POMGNT2: variants seen among roughly 807,000 people sequenced by gnomAD.
POMGNT2 encodes the protein protein O-linked mannose N-acetylglucosaminyltransferase 2 (beta 1,4-).
Under a neutral mutation model 37.8 loss-of-function variants are expected in POMGNT2, and 32 were observed. The observed-to-expected ratio is 0.85, with a 90% CI of 0.64 to 1.14. POMGNT2 has a LOEUF of 1.14. POMGNT2 is among the 50% of genes most tolerant of loss of function. POMGNT2 has a pLI of 0.00. For synonymous variants in POMGNT2, 340 were observed against 336.8 expected (o/e 1.01, Z -0.10); for missense variants, 705 against 780.6 (o/e 0.90, Z 1.15).
chr3:43,102,225 CG>C (rs2090024489), intron 1 of POMGNT2, among the ~76,000 whole-genome samples: 1 of 152,174 alleles, frequency 6.6e-6, no homozygotes, highest in Non-Finnish European at 1.5e-5. Flanking sequence ...CAAAGGACCC[CG>C]GGGTGTGTTT....
At chr3:43,090,731 G>A (rs2089936864) in intron 1 of POMGNT2, 1 of 152,196 alleles carries the variant, frequency 6.6e-6, no homozygotes, top group Admixed American at 6.5e-5. Flanking sequence ...ACAGCAAGGA[G>A]AGACTGTCTT....
chr3:43,085,704 T>C (rs1318933543), intron 1 of POMGNT2, among the ~76,000 whole-genome samples: 2 of 151,844 alleles, frequency 1.3e-5, no homozygotes, highest in Non-Finnish European at 2.9e-5. Flanking sequence ...TTACTAAAAC[T>C]GAGGGGTGGA....
intron 1 of POMGNT2, among the ~76,000 whole-genome samples, chr3:43,091,345 T>C (rs1481663930): frequency 1.3e-5 from 2 of 152,208 alleles, no homozygotes; most frequent in Non-Finnish European, 2.9e-5. Flanking sequence ...AAATCTTGGA[T>C]AATTTTAGTA....
At chr3:43,082,631 C>T (rs904174374) in intron 1 of POMGNT2, among the ~76,000 whole-genome samples, 1 of 152,172 alleles carries the variant, frequency 6.6e-6, no homozygotes, top group Non-Finnish European at 1.5e-5. Flanking sequence ...AGAAGCTCAT[C>T]CTTTGTGACA....
At chr3:43,082,391 G>A (rs991263204) in intron 1 of POMGNT2, among the ~76,000 whole-genome samples, 7 of 152,182 alleles carry the variant, frequency 4.6e-5, no homozygotes, top group African/African-American at 1.7e-4. Flanking sequence ...CCCTTAGGAG[G>A]AGGGTAGAAA....
intron 1 of POMGNT2, among the ~76,000 whole-genome samples, chr3:43,086,233 G>A (rs1353436393): frequency 2.0e-5 from 3 of 152,142 alleles, no homozygotes; most frequent in Non-Finnish European, 4.4e-5. Flanking sequence ...TTAAAAGCTT[G>A]GAAATGTTTT....
At position 43,079,966 on chromosome 3, in the gene POMGNT2, C is replaced by T. The variant is rs140400295; in HGVS notation, c.1466G>A (p.Arg489Gln). The change falls in exon 2 of 2, where the codon CGG becomes CAG. Residue 489 changes from arginine to glutamine, a missense_variant. Physicochemically the swap from Arg to Gln is conservative, Grantham distance 43 (BLOSUM62 1). Coordinates refer to ENST00000344697, the MANE Select transcript of POMGNT2 (RefSeq NM_032806.6). ...GLYPGKVREA[R>Q]CQASVHGASE... ...GGCGCCATGCACTGACGCCTGGCAC[C>T]GTGCCTCCCGCACCTTGCCTGGATA... 81 of 1,613,974 alleles carry T rather than the reference C, an allele frequency of 5.0e-5. No individual in the cohort carries two copies. Among genetic ancestry groups the T allele is most frequent in the African/African-American group, 2.8e-4 (21 of 75,068 alleles).
At chr3:43,101,021 T>G (rs2090014952) in intron 1 of POMGNT2, among the ~76,000 whole-genome samples, 1 of 152,196 alleles carries the variant, frequency 6.6e-6, no homozygotes, top group Non-Finnish European at 1.5e-5. Context: ...GCCACTTTAC[T>G]GGAGAAAAGA....
In POMGNT2 at chr3:43,079,900, T is replaced by A. The variant is rs2089830997; in HGVS notation, c.1532A>T (p.Asn511Ile). 6.2e-7 allele frequency: 1 copy of A among 1,614,012 alleles called. No individual in the cohort carries two copies. Among genetic ancestry groups the A allele is most frequent in the Non-Finnish European group, 8.5e-7 (1 of 1,180,006 alleles). ...RLTVSWQIPW[N>I]LKYLKVREVK... ...CTCCCTCACCTTCAGGTATTTAAGG[T>A]TCCATGGGATCTGCCAGGAGACAGT... Residue 511 changes from asparagine to isoleucine, a missense_variant, in exon 2 of 2, where the codon AAC becomes ATC. Transcript: ENST00000344697.
At chr3:43,095,611 A>G (rs1054497290) in intron 1 of POMGNT2, among the ~76,000 whole-genome samples, 2 of 152,116 alleles carry the variant, frequency 1.3e-5, no homozygotes, top group Non-Finnish European at 2.9e-5. Context: ...ACTAGCCCCA[A>G]CCCTATGAAG....
At chr3:43,096,067 G>T (rs2089977335) in intron 1 of POMGNT2, among the ~76,000 whole-genome samples, 2 of 152,144 alleles carry the variant, frequency 1.3e-5, no homozygotes, top group African/African-American at 4.8e-5. Flanking sequence ...ATTCAAAGGG[G>T]ACCCAACAAC....
intron 1 of POMGNT2, among the ~76,000 whole-genome samples, chr3:43,101,889 C>T (rs945045530): frequency 1.2e-4 from 19 of 152,158 alleles, no homozygotes; most frequent in African/African-American, 4.6e-4. Context: ...TTCCTTCCCA[C>T]ACAAAGTGCA....
chr3:43,087,924 A>T (rs1423856376), intron 1 of POMGNT2: 1 of 152,242 alleles, frequency 6.6e-6, no homozygotes, highest in Non-Finnish European at 1.5e-5. Context: ...TTCTAAACTC[A>T]GGCTCCTCAT....
At chr3:43,101,672 T>C (rs2090019969) in intron 1 of POMGNT2, among the ~76,000 whole-genome samples, 2 of 152,198 alleles carry the variant, frequency 1.3e-5, no homozygotes, top group African/African-American at 4.8e-5. Flanking sequence ...CATTTCACAA[T>C]TTTGCGATAC....
chr3:43,086,717 CT>C (rs1168524988), intron 1 of POMGNT2, among the ~76,000 whole-genome samples: 1 of 152,174 alleles, frequency 6.6e-6, no homozygotes, highest in African/African-American at 2.4e-5. Context: ...CTGACCTGGG[CT>C]TCTCACCTGT....
At chr3:43,096,673 T>C (rs1339379133) in intron 1 of POMGNT2, among the ~76,000 whole-genome samples, 1 of 152,180 alleles carries the variant, frequency 6.6e-6, no homozygotes. Flanking sequence ...CTCCTCTATA[T>C]TGGGCACCAA....
chr3:43,094,236 G>A (rs987208617), intron 1 of POMGNT2, among the ~76,000 whole-genome samples: 1 of 152,214 alleles, frequency 6.6e-6, no homozygotes, highest in Non-Finnish European at 1.5e-5. Context: ...TGGAGGCAAG[G>A]AGTACATTAA....
At chr3:43,097,396 T>C (rs921183245) in intron 1 of POMGNT2, among the ~76,000 whole-genome samples, 1 of 152,016 alleles carries the variant, frequency 6.6e-6, no homozygotes, top group Admixed American at 6.6e-5. Flanking sequence ...TGACAGAATT[T>C]TCTCACAGAT....
intron 1 of POMGNT2, among the ~76,000 whole-genome samples, chr3:43,091,541 G>T (rs1222639961): frequency 2.6e-5 from 4 of 152,182 alleles, no homozygotes; most frequent in African/African-American, 9.7e-5. Context: ...AATAACTGTT[G>T]CAGGCAAGAT....
Sources: allele counts gnomAD v4.1 joint callset (sites outside exome capture counted in the v4.1 genomes callset), GRCh38; gene constraint gnomAD v4.1.1; transcripts MANE v1.5; gene names NCBI Gene and HGNC (gene_info 2026-07-23, HGNC 2026-07-21).